The following CEP89 variants were observed in gnomAD, a reference collection of about 807,000 sequenced individuals.
CEP89 encodes the protein centrosomal protein 89.
Under a neutral mutation model 97.6 loss-of-function variants are expected in CEP89, and 95 were observed. The ratio of observed to expected loss-of-function variants is 0.97; its 90% CI spans 0.82 to 1.15. CEP89 has a LOEUF of 1.15. Ranked by LOEUF, CEP89 falls within the 50% of genes most tolerant of loss-of-function variation. CEP89 has a pLI of 0.00. For synonymous variants in CEP89, 354 were observed against 349.1 expected (o/e 1.01, Z -0.16); for missense variants, 869 against 947.7 (o/e 0.92, Z 1.09).
intron 11 of CEP89, 91 bp from the exon 12 acceptor site, chr19:32,923,633 T>C (rs1158620117): frequency 1.2e-5 from 10 of 829,850 alleles, no homozygotes; most frequent in Non-Finnish European, 2.0e-5. Flanking sequence ...TAAAATCAAA[T>C]GGTAACAGCC....
At chr19:32,964,253 A>T (rs543062975) in intron 2 of CEP89, among the ~76,000 whole-genome samples, 1 of 152,072 alleles carries the variant, frequency 6.6e-6, no homozygotes, top group African/African-American at 2.4e-5. Flanking sequence ...GCTCACTGCA[A>T]CCTCTGCCTC....
intron 16 of CEP89, among the ~76,000 whole-genome samples, chr19:32,898,074 C>T (rs1241332270): frequency 6.6e-5 from 10 of 152,180 alleles, no homozygotes; most frequent in Non-Finnish European, 1.3e-4. Flanking sequence ...GGGATATCTA[C>T]ACCCCCATGT....
chr19:32,926,180 G>A lies in CEP89; in HGVS notation c.1164+10C>T, dbSNP rs751728240. Reference sequence around the variant, plus strand: ...AAATCTTGTGTCTTCTGGGACATTTGCCAGCCTACCTTGAGGGTGGCATTG... The same window carrying A: ...AAATCTTGTGTCTTCTGGGACATTTACCAGCCTACCTTGAGGGTGGCATTG... On this transcript the variant is annotated intron_variant, in intron 11 of 18. Transcript: ENST00000305768. 1 of 1,597,884 alleles carries A rather than the reference G, an allele frequency of 6.3e-7. No homozygotes were observed. Among genetic ancestry groups the A allele is most frequent in the Non-Finnish European group, 8.6e-7 (1 of 1,167,282 alleles).
intron 10 of CEP89, among the ~76,000 whole-genome samples, chr19:32,926,589 T>C (rs1970363016): frequency 6.6e-6 from 1 of 152,208 alleles, no homozygotes; most frequent in African/African-American, 2.4e-5. Flanking sequence ...CCGAAGCCAT[T>C]CCCACTCTGC....
chr19:32,964,361 A>C (rs2145975019), intron 2 of CEP89, among the ~76,000 whole-genome samples: 1 of 152,192 alleles, frequency 6.6e-6, no homozygotes, highest in East Asian at 1.9e-4. Flanking sequence ...TAGTGGAGAT[A>C]GGTTTTCACC....
intron 5 of CEP89, among the ~76,000 whole-genome samples, chr19:32,944,596 G>A (rs933838109): frequency 9.9e-5 from 15 of 152,200 alleles, no homozygotes; most frequent in Non-Finnish European, 1.5e-4. Flanking sequence ...AGGAGACATG[G>A]AGAGGGAGAA....
chr19:32,956,767 C>T (rs890796273), intron 3 of CEP89, among the ~76,000 whole-genome samples: 1 of 152,020 alleles, frequency 6.6e-6, no homozygotes, highest in Non-Finnish European at 1.5e-5. Context: ...TATTATTTTG[C>T]TTATATAAAT....
chr19:32,899,618 C>A (rs1281231428), intron 16 of CEP89, among the ~76,000 whole-genome samples: 1 of 152,044 alleles, frequency 6.6e-6, no homozygotes, highest in African/African-American at 2.4e-5. Context: ...GGTGTAAAAG[C>A]AATGGGCATT....
chr19:32,937,485 T>G, intron 7 of CEP89, 146 bp downstream of exon 7: 1 of 707,878 alleles, frequency 1.4e-6, no homozygotes, highest in Non-Finnish European at 2.5e-6. Flanking sequence ...CTACCTAGTG[T>G]TTGGACCCTC....
intron 5 of CEP89, among the ~76,000 whole-genome samples, chr19:32,940,755 C>T (rs531989197): frequency 6.6e-6 from 1 of 151,800 alleles, no homozygotes; most frequent in East Asian, 1.9e-4. Flanking sequence ...AAAAGTTGGA[C>T]ATCGAGTTGC....
chr19:32,928,556 T>C (rs1009641746), intron 9 of CEP89, among the ~76,000 whole-genome samples: 1 of 152,128 alleles, frequency 6.6e-6, no homozygotes, highest in African/African-American at 2.4e-5. Flanking sequence ...GGTCTCTCCA[T>C]TGTGGCTGGG....
chr19:32,923,714 G>T (rs945886253), intron 11 of CEP89, among the ~76,000 whole-genome samples, 172 bp from the exon 12 acceptor site: 1 of 152,168 alleles, frequency 6.6e-6, no homozygotes, highest in Admixed American at 6.5e-5. Context: ...TGCTCTCAGG[G>T]AGCTTACGGT....
At chr19:32,939,746 C>A in intron 6 of CEP89, 111 bp downstream of exon 6, 1 of 560,156 alleles carries the variant, frequency 1.8e-6, no homozygotes. Context: ...TTTATTTTTG[C>A]CCCAAAATCA....
chr19:32,935,743 C>T (rs1344416137), intron 7 of CEP89, among the ~76,000 whole-genome samples: 2 of 152,170 alleles, frequency 1.3e-5, no homozygotes, highest in African/African-American at 4.8e-5. Context: ...GCCCAAGCCT[C>T]TTGCTCCATG....
In CEP89 at chr19:32,933,481, T is replaced by C. The variant is rs1970518027; in HGVS notation, c.856A>G (p.Lys286Glu). ...TGTGACGACGCCTTCTCAGCCTCTTTGAGCTTTCTCTTCTCTTTTTCCATT... is the reference window on the plus strand; with the variant it reads ...TGTGACGACGCCTTCTCAGCCTCTTCGAGCTTTCTCTTCTCTTTTTCCATT... The part of the protein sequence containing the change: ...KGMEKEKRKL[K>E]EAEKASSQEV... Residue 286 changes from lysine (K) to glutamate (E), a missense_variant, in exon 8 of 19, where the codon AAA becomes GAA. Physicochemically the swap from Lys to Glu is moderately conservative, Grantham distance 56. Transcript: ENST00000305768. 3 of 1,613,884 alleles carry C rather than the reference T, an allele frequency of 1.9e-6. No individual in the cohort carries two copies. In the African/African-American group the frequency reaches 4.0e-5, roughly 22 times the overall value.
intron 16 of CEP89, among the ~76,000 whole-genome samples, chr19:32,894,523 G>A (rs979212255): frequency 1.3e-5 from 2 of 152,178 alleles, no homozygotes; most frequent in Non-Finnish European, 2.9e-5. Flanking sequence ...CCTGGGCAGG[G>A]CTAAAGATAT....
chr19:32,927,896 C>T (rs1970394107), intron 9 of CEP89, among the ~76,000 whole-genome samples: 1 of 145,236 alleles, frequency 6.9e-6, no homozygotes, highest in South Asian at 2.2e-4. Flanking sequence ...TGAGCCAGCA[C>T]ACTTGGCTTT....
intron 5 of CEP89, among the ~76,000 whole-genome samples, chr19:32,946,685 G>A (rs989043146): frequency 1.3e-5 from 2 of 152,068 alleles, no homozygotes; most frequent in African/African-American, 2.4e-5. Context: ...TACTGTTCTC[G>A]TGGTAGTGAA....
At chr19:32,892,086 T>G (rs1473750966) in intron 16 of CEP89, among the ~76,000 whole-genome samples, 1 of 139,760 alleles carries the variant, frequency 7.2e-6, no homozygotes, top group African/African-American at 2.7e-5. Flanking sequence ...AAATACAGAA[T>G]TCTAAATATA....
Sources: allele counts gnomAD v4.1 joint callset (sites outside exome capture counted in the v4.1 genomes callset), GRCh38; gene constraint gnomAD v4.1.1; transcripts MANE v1.5; gene names NCBI Gene and HGNC (gene_info 2026-07-23, HGNC 2026-07-21).